Variants in TTBK2 observed in about 807,000 individuals in gnomAD.
TTBK2 encodes tau-tubulin kinase 2.
Under a neutral mutation model 110.8 loss-of-function variants are expected in TTBK2, and 28 were observed. That is an observed-to-expected ratio of 0.25 (90% CI 0.19 to 0.35). The LOEUF (loss-of-function observed/expected upper bound fraction) is 0.35. TTBK2 is among the 10% of genes least tolerant of loss of function. TTBK2 has a pLI of 1.00. For synonymous variants in TTBK2, 532 were observed against 527.3 expected (o/e 1.01, Z -0.12); for missense variants, 1,369 against 1,500.3 (o/e 0.91, Z 1.45).
At chr15:42,815,862 A>C (rs1240074225) in intron 7 of TTBK2, among the ~76,000 whole-genome samples, 15 of 128,434 alleles carry the variant, frequency 1.2e-4, no homozygotes, top group East Asian at 8.9e-4. Flanking sequence ...CTCTCTCTAT[A>C]TATATATATT....
intron 7 of TTBK2, among the ~76,000 whole-genome samples, chr15:42,814,012 G>A (rs1335499039): frequency 1.3e-5 from 2 of 152,070 alleles, no homozygotes; most frequent in Non-Finnish European, 2.9e-5. Context: ...CAGAGTTCAA[G>A]TGTTTTTTTG....
intron 4 of TTBK2, among the ~76,000 whole-genome samples, chr15:42,834,840 G>A (rs1892924822): frequency 6.6e-6 from 1 of 152,186 alleles, no homozygotes; most frequent in African/African-American, 2.4e-5. Context: ...TCGTGCCACT[G>A]CACTCCAGAC....
intron 9 of TTBK2, among the ~76,000 whole-genome samples, chr15:42,807,584 G>T (rs993415285): frequency 5.4e-5 from 6 of 111,848 alleles, no homozygotes; most frequent in African/African-American, 3.6e-4. Context: ...AATTTTTTTT[G>T]TTGTTTTTTG....
intron 3 of TTBK2, among the ~76,000 whole-genome samples, chr15:42,857,139 T>C (rs115017949): frequency 4.7e-3 from 720 of 151,964 alleles, no homozygotes; most frequent in African/African-American, 0.017. Flanking sequence ...ATGTTAATAA[T>C]AGGGAAAACT....
intron 1 of TTBK2, among the ~76,000 whole-genome samples, chr15:42,915,785 A>G (rs946532556): frequency 1.3e-5 from 2 of 152,140 alleles, no homozygotes; most frequent in African/African-American, 2.4e-5. Flanking sequence ...CACCTATACA[A>G]AAAATTGTAA....
intron 6 of TTBK2, among the ~76,000 whole-genome samples, chr15:42,819,586 G>T (rs554004847): frequency 6.6e-6 from 1 of 151,922 alleles, no homozygotes; most frequent in African/African-American, 2.4e-5. Context: ...AAAATTTCCT[G>T]CAATCTTTAA....
At chr15:42,882,436 T>C (rs1895084540) in intron 1 of TTBK2, among the ~76,000 whole-genome samples, 2 of 151,148 alleles carry the variant, frequency 1.3e-5, no homozygotes, top group African/African-American at 4.9e-5. Context: ...TCATCTCTAC[T>C]TAAAATACAA....
Position 42,776,605 on chromosome 15 carries a change from C to T in TTBK2, c.1409+426G>A, listed in dbSNP as rs572074889. On this transcript the variant is annotated intron_variant, in intron 12 of 14. Coordinates refer to ENST00000267890, the MANE Select transcript of TTBK2 (RefSeq NM_173500.4). The stretch of plus-strand genomic sequence containing the variant: ...TCTTCACTAAAGTGAATTGAACTCA[C>T]CGTCCCTTGTGTATGAATTACTTTT... Among the ~76,000 whole-genome samples the T allele has an allele frequency of 4.6e-5, 7 of 152,350 alleles. No homozygotes were observed. In the South Asian group the frequency reaches 1.0e-3, roughly 23 times the overall value.
At chr15:42,825,283 C>G (rs890328633) in intron 6 of TTBK2, among the ~76,000 whole-genome samples, 3 of 152,066 alleles carry the variant, frequency 2.0e-5, no homozygotes, top group Non-Finnish European at 2.9e-5. Flanking sequence ...AAACAAGTAC[C>G]CTCAAGATCT....
In TTBK2 at chr15:42,794,581, T is replaced by A. The variant is rs377564004; in HGVS notation, c.980+63A>T. ...GTCATCTGAGGGAATCTGGATGAAGTAAATTTTTGCAAATATAATACATCC... is the reference window on the plus strand; with the variant it reads ...GTCATCTGAGGGAATCTGGATGAAGAAAATTTTTGCAAATATAATACATCC... On this transcript the variant is annotated intron_variant, in intron 10 of 14. Coordinates refer to ENST00000267890, the MANE Select transcript of TTBK2 (RefSeq NM_173500.4). 2.2e-5 allele frequency: 36 copies of A among 1,612,326 alleles called. No homozygotes were observed. In the East Asian group the frequency reaches 6.2e-4, roughly 28 times the overall value.
intron 2 of TTBK2, among the ~76,000 whole-genome samples, chr15:42,874,352 T>C (rs796685429): frequency 5.3e-5 from 8 of 151,948 alleles, no homozygotes; most frequent in African/African-American, 1.9e-4. Flanking sequence ...AGTCTCACAC[T>C]GTTGCCAGGG....
At chr15:42,875,511 C>T (rs1338242071) in intron 2 of TTBK2, among the ~76,000 whole-genome samples, 3 of 152,010 alleles carry the variant, frequency 2.0e-5, no homozygotes, top group Non-Finnish European at 4.4e-5. Context: ...TTTTCATCAA[C>T]AGAATAGGGC....
chr15:42,815,035 G>C (rs563972868), intron 7 of TTBK2, among the ~76,000 whole-genome samples: 1 of 152,134 alleles, frequency 6.6e-6, no homozygotes, highest in African/African-American at 2.4e-5. Context: ...TAGAATCCCT[G>C]AAAATACTTA....
At chr15:42,751,597 C>G (rs1028753796) in intron 14 of TTBK2, among the ~76,000 whole-genome samples, 1 of 152,048 alleles carries the variant, frequency 6.6e-6, no homozygotes, top group African/African-American at 2.4e-5. Flanking sequence ...AATAAAATAA[C>G]CTGGTGTGGT....
At chr15:42,871,325 T>G in intron 3 of TTBK2, 1 of 413,920 alleles carries the variant, frequency 2.4e-6, no homozygotes, top group Non-Finnish European at 3.3e-6. Flanking sequence ...GGTCTCTAAC[T>G]CATTCATAAA....
intron 4 of TTBK2, among the ~76,000 whole-genome samples, chr15:42,839,899 T>A (rs1893150877): frequency 6.6e-6 from 1 of 152,178 alleles, no homozygotes. Context: ...CAGCAAGAAG[T>A]CCCTTGCAAG....
chr15:42,776,418 A>G (rs1337413252), intron 12 of TTBK2, among the ~76,000 whole-genome samples: 1 of 152,244 alleles, frequency 6.6e-6, no homozygotes, highest in Non-Finnish European at 1.5e-5. Context: ...AATTTGTTGT[A>G]GGGATAATGT....
intron 3 of TTBK2, among the ~76,000 whole-genome samples, chr15:42,870,881 T>C (rs1319943010): frequency 5.3e-5 from 8 of 151,916 alleles, no homozygotes; most frequent in African/African-American, 1.7e-4. Flanking sequence ...AAAAAATCCT[T>C]ATCCCAGCTA....
chr15:42,846,128 A>G (rs1186406766), intron 3 of TTBK2, among the ~76,000 whole-genome samples: 3 of 121,886 alleles, frequency 2.5e-5, no homozygotes, highest in South Asian at 5.1e-4. Context: ...TAATTACAGG[A>G]AAAAAAAAAA....
Sources: allele counts gnomAD v4.1 joint callset (sites outside exome capture counted in the v4.1 genomes callset), GRCh38; gene constraint gnomAD v4.1.1; transcripts MANE v1.5; gene names NCBI Gene and HGNC (gene_info 2026-07-23, HGNC 2026-07-21).